Variants in UPF2 observed in about 807,000 individuals in gnomAD.
UPF2 encodes the protein UPF2 regulator of nonsense mediated mRNA decay.
A neutral mutation model predicts 141.4 loss-of-function variants in UPF2; 17 were observed. That is an observed-to-expected ratio of 0.12 (90% confidence interval 0.08 to 0.18). The LOEUF (loss-of-function observed/expected upper bound fraction) is 0.18. Ranked by LOEUF, UPF2 falls within the 10% of genes least tolerant of loss-of-function variation. The probability of loss-of-function intolerance (pLI) is 1.00; values close to 1 mark genes in which losing one functional copy is unlikely to be tolerated. For synonymous variants in UPF2, 540 were observed against 498.0 expected (o/e 1.08, Z -1.12); for missense variants, 1,152 against 1,515.9 (o/e 0.76, Z 3.99).
At position 11,921,393 on chromosome 10, in the gene UPF2, C is replaced by A; in HGVS notation, c.3810-86G>T. On this transcript the variant is annotated intron_variant, in intron 21 of 21. Coordinates refer to ENST00000357604, the MANE Select transcript of UPF2 (RefSeq NM_015542.4). The surrounding 1 kb of genome is among the most constrained non-coding windows in gnomAD (Gnocchi z 5.9). ...ATGGCGTCTGCAACGCTACCCACCACCACCAAGTCACTCCCCCAAGTTACA... is the reference window on the plus strand; with the variant it reads ...ATGGCGTCTGCAACGCTACCCACCAACACCAAGTCACTCCCCCAAGTTACA... 2 of 1,550,916 alleles carry A rather than the reference C, an allele frequency of 1.3e-6. No individual in the cohort carries two copies. The highest frequency in any genetic ancestry group is 1.1e-5 in the South Asian group (1 of 88,862).
intron 2 of UPF2, among the ~76,000 whole-genome samples, chr10:12,031,690 C>G (rs1008281721): frequency 6.6e-6 from 1 of 151,612 alleles, no homozygotes; most frequent in African/African-American, 2.4e-5. Flanking sequence ...ACGGGGGGAT[C>G]GCTTGAGCCC....
In UPF2 at chr10:11,975,507, T is replaced by TTTGTTG. The variant is rs923569937; in HGVS notation, c.1953+3544_1953+3549dup. 1.6e-3 allele frequency among the ~76,000 whole-genome samples: 237 copies of TTTGTTG among 152,306 alleles called. 1 individual carries two copies. The highest frequency in any genetic ancestry group is 5.3e-3 in the African/African-American group (219 of 41,586). ...AAAAAGCACTTTCTGATATAAAAAC[T>TTTGTTG]TTGTTGTTGTTGTTTTTTGAGATGG... On this transcript the variant is annotated intron_variant, in intron 9 of 21. Coordinates refer to ENST00000357604, the MANE Select transcript of UPF2 (RefSeq NM_015542.4).
At position 11,920,672 on chromosome 10, in the gene UPF2, C is replaced by T. The variant is rs141849754; in HGVS notation, c.*626G>A. 45 of 241,914 alleles carry T rather than the reference C, an allele frequency of 1.9e-4. No homozygotes were observed. In the East Asian group the frequency reaches 3.3e-3, roughly 18 times the overall value. The allele number at this position is 241,914 out of a possible 1,614,324, so 15.0% of individuals were successfully genotyped here. The stretch of plus-strand genomic sequence containing the variant: ...ATAGCACTGACTCTGATGGATAAAA[C>T]GGATTTTTCTCCCTCATCCCTTGTT... On this transcript the variant is annotated 3_prime_UTR_variant, in exon 22 of 22. Transcript: ENST00000357604.
chr10:12,012,352 G>A lies in UPF2; in HGVS notation c.1306+1672C>T, dbSNP rs139715688. Among the ~76,000 whole-genome samples, 582 of 152,098 alleles carry A rather than the reference G, an allele frequency of 3.8e-3. 5 individuals are homozygous for A. Among genetic ancestry groups the A allele is most frequent in the African/African-American group, 0.013 (536 of 41,496 alleles). Reference sequence around the variant, plus strand: ...GCTGGGATTAGAGGCGTGAGCCACCGCACCCAGCCATATGCTAAATATTAT... The same window carrying A: ...GCTGGGATTAGAGGCGTGAGCCACCACACCCAGCCATATGCTAAATATTAT... On this transcript the variant is annotated intron_variant, in intron 4 of 21. Coordinates refer to ENST00000357604, the MANE Select transcript of UPF2 (RefSeq NM_015542.4).
intron 9 of UPF2, among the ~76,000 whole-genome samples, chr10:11,970,886 A>AAT (rs147240032): frequency 0.086 from 12,921 of 150,652 alleles, 714 homozygotes; most frequent in Non-Finnish European, 0.13. Context: ...AGGGTTGGGA[A>AAT]ATATATATAT....
At chr10:12,030,703 G>A (rs990163834) in intron 2 of UPF2, among the ~76,000 whole-genome samples, 3 of 151,396 alleles carry the variant, frequency 2.0e-5, no homozygotes, top group Non-Finnish European at 4.4e-5. Context: ...CTAACATGGT[G>A]AAACGCCATC....
At chr10:12,012,341 C>T (rs953357733) in intron 4 of UPF2, among the ~76,000 whole-genome samples, 1 of 152,030 alleles carries the variant, frequency 6.6e-6, no homozygotes, top group Non-Finnish European at 1.5e-5. Context: ...GGATTAGAGG[C>T]GTGAGCCACC....
chr10:12,000,049 G>A (rs757968613), intron 6 of UPF2, 40 bp from the exon 7 acceptor site: 2 of 1,440,860 alleles, frequency 1.4e-6, no homozygotes, highest in East Asian at 2.3e-5. Flanking sequence ...AAAAAAAAAA[G>A]AGAACACAGA....
intron 8 of UPF2, among the ~76,000 whole-genome samples, chr10:11,991,047 G>C (rs1459911868): frequency 6.6e-6 from 1 of 150,386 alleles, no homozygotes; most frequent in East Asian, 1.9e-4. Context: ...TCTAACTCAT[G>C]ATACGTAATA....
chr10:11,937,648 G>A (rs998107231), intron 18 of UPF2, among the ~76,000 whole-genome samples: 5 of 152,134 alleles, frequency 3.3e-5, no homozygotes, highest in African/African-American at 1.2e-4. Flanking sequence ...ACTGATGAAT[G>A]AGCAGCAAAG....
chr10:11,975,767 T>C (rs1000197539), intron 9 of UPF2, among the ~76,000 whole-genome samples: 4 of 152,260 alleles, frequency 2.6e-5, no homozygotes, highest in Non-Finnish European at 5.9e-5. Flanking sequence ...TCCACCCGCC[T>C]TGGCCTCCCA....
At chr10:11,993,174 G>C (rs1440817816) in intron 8 of UPF2, among the ~76,000 whole-genome samples, 1 of 128,452 alleles carries the variant, frequency 7.8e-6, no homozygotes. Flanking sequence ...AAAAAAAAAA[G>C]GCAGCAATCA....
chr10:12,035,129 C>G lies in UPF2; in HGVS notation c.295G>C (p.Glu99Gln). 1 of 1,599,074 alleles carries G rather than the reference C, an allele frequency of 6.3e-7. No homozygotes were observed. The highest frequency in any genetic ancestry group is 8.5e-7 in the Non-Finnish European group (1 of 1,176,858). ...TCTTCTTGCTTCTTTCTCTCTTCCT[C>G]TTGATGTTTCTTTTTTTCTTCCTCT... ...KEEEEKKKHQEEERKKQEEQA... is the reference protein window; with the variant it reads ...KEEEEKKKHQQEERKKQEEQA... Residue 99 changes from glutamate (E) to glutamine (Q), a missense_variant, in exon 2 of 22, where the codon GAG (glutamate) becomes CAG (glutamine). Glu to Gln is a conservative substitution (Grantham distance 29). Around this residue, in one of 4 missense-constraint regions of UPF2, gnomAD observed 145 missense variants for 136.5 expected, o/e 1.06. Transcript: ENST00000357604.
intron 7 of UPF2, 130 bp downstream of exon 7, chr10:11,999,776 C>A: frequency 1.3e-6 from 1 of 742,546 alleles, no homozygotes; most frequent in South Asian, 1.6e-5. Context: ...GCTGAATTCC[C>A]ATCTAAGACT....
chr10:12,029,338 T>A lies in UPF2; in HGVS notation c.552A>T (p.Gln184His). 1.2e-6 allele frequency: 2 copies of A among 1,614,202 alleles called. No individual in the cohort carries two copies. The highest frequency in any genetic ancestry group is 1.7e-6 in the Non-Finnish European group (2 of 1,180,042). Residue 184 changes from glutamine (Q) to histidine (H), a missense_variant, in exon 3 of 22, where the codon CAA (glutamine) becomes CAT (histidine). Physicochemically the swap from Gln to His is conservative, Grantham distance 24. This residue lies in a region of UPF2 where 739 missense variants were observed against 1,032.2 expected (regional missense o/e 0.72). Transcript: ENST00000357604. ...FVKKLKTITE[Q>H]QRDSLSHDFN... ...AATCATGGGACAAGGAGTCTCTCTG[T>A]TGTTCTGTAATAGTTTTTAGTTTCT...
rs530117470 is a variant in UPF2, at chr10:11,992,930, C to T, written c.1844+4742G>A. 3.3e-5 allele frequency among the ~76,000 whole-genome samples: 5 copies of T among 152,232 alleles called. No individual in the cohort carries two copies. Among genetic ancestry groups the T allele is most frequent in the African/African-American group, 1.2e-4 (5 of 41,536 alleles). ...TTGGGAGGCCAAGGCGAGTGAATCACTTGCGGTCAGGAGTTCAAGACCAGC... is the reference window on the plus strand; with the variant it reads ...TTGGGAGGCCAAGGCGAGTGAATCATTTGCGGTCAGGAGTTCAAGACCAGC... On this transcript the variant is annotated intron_variant, in intron 8 of 21. Transcript: ENST00000357604. The surrounding 1 kb of genome is among the most constrained non-coding windows in gnomAD (Gnocchi z 4.1).
chr10:11,982,568 C>A (rs1833616858), intron 8 of UPF2, among the ~76,000 whole-genome samples: 1 of 152,202 alleles, frequency 6.6e-6, no homozygotes, highest in South Asian at 2.1e-4. Context: ...TTGACCCGTT[C>A]CGAATACTCC....
At chr10:11,949,178 C>T (rs1001413275) in intron 15 of UPF2, among the ~76,000 whole-genome samples, 1 of 152,160 alleles carries the variant, frequency 6.6e-6, no homozygotes, top group African/African-American at 2.4e-5. Flanking sequence ...GAATTCCAAT[C>T]CACCCTCTCT....
rs368505712 is a variant in UPF2 at position 11,999,897 on chromosome 10, T to C, written c.1758+9A>G. On this transcript the variant is annotated intron_variant, in intron 7 of 21. Coordinates refer to ENST00000357604, the MANE Select transcript of UPF2 (RefSeq NM_015542.4). ...GTGCTTGAATAAAGTTACACAGAGA[T>C]ACCAATACCTTGTCTATCAGATCTC... 1.9e-6 allele frequency: 3 copies of C among 1,609,624 alleles called. No homozygotes were observed. The highest frequency in any genetic ancestry group is 2.6e-6 in the Non-Finnish European group (3 of 1,175,980).
Sources: allele counts gnomAD v4.1 joint callset (sites outside exome capture counted in the v4.1 genomes callset), GRCh38; gene constraint gnomAD v4.1.1; regional missense constraint gnomAD v4.1.1; non-coding constraint Gnocchi (gnomAD v3.1); transcripts MANE v1.5; gene names NCBI Gene and HGNC (gene_info 2026-07-23, HGNC 2026-07-21).